SAMMSON: variants seen among roughly 807,000 people sequenced by gnomAD.
The protein encoded by SAMMSON is survival associated mitochondrial melanoma specific oncogenic non-coding RNA, also known as long intergenic non-protein coding RNA 1212.
chr3:70,158,957 C>T (rs1448489381), intron 4 of SAMMSON, among the ~76,000 whole-genome samples: 3 of 151,962 alleles, frequency 2.0e-5, no homozygotes, highest in African/African-American at 7.2e-5. Context: ...TTTGTCCTTT[C>T]CAAACCTTTT....
At chr3:70,122,554 A>G (rs2067439471) in intron 4 of SAMMSON, among the ~76,000 whole-genome samples, 1 of 152,378 alleles carries the variant, frequency 6.6e-6, no homozygotes, top group Non-Finnish European at 1.5e-5. Flanking sequence ...TATGCTTATT[A>G]ACAAATGTAA....
At chr3:70,303,364 T>C (rs1702368166) in intron 7 of SAMMSON, among the ~76,000 whole-genome samples, 1 of 152,116 alleles carries the variant, frequency 6.6e-6, no homozygotes, top group Non-Finnish European at 1.5e-5. Flanking sequence ...GTTATTGAGC[T>C]TTCTTCCTTG....
At chr3:70,309,560 A>G (rs914862409) in intron 7 of SAMMSON, among the ~76,000 whole-genome samples, 2 of 152,214 alleles carry the variant, frequency 1.3e-5, no homozygotes, top group Non-Finnish European at 2.9e-5. Flanking sequence ...TCACCCAGCT[A>G]GTAGATGGCT....
At chr3:70,428,522 A>G (rs1177288055) in intron 2 of SAMMSON, among the ~76,000 whole-genome samples, 1 of 152,228 alleles carries the variant, frequency 6.6e-6, no homozygotes, top group African/African-American at 2.4e-5. Flanking sequence ...TGGGATATCT[A>G]TATATAAAAA....
intron 4 of SAMMSON, among the ~76,000 whole-genome samples, chr3:70,106,797 A>T (rs1206701596): frequency 1.3e-5 from 2 of 152,194 alleles, no homozygotes; most frequent in Admixed American, 6.5e-5. Context: ...CTTGTCTGGG[A>T]TATACATGTG....
At chr3:70,374,207 C>T (rs1244678173) in intron 9 of SAMMSON, among the ~76,000 whole-genome samples, 2 of 152,292 alleles carry the variant, frequency 1.3e-5, no homozygotes, top group East Asian at 3.9e-4. Context: ...AGCCAACGTG[C>T]CTGGCCAATG....
intron 7 of SAMMSON, among the ~76,000 whole-genome samples, chr3:70,337,262 T>G (rs1163985912): frequency 1.3e-5 from 2 of 150,442 alleles, no homozygotes; most frequent in African/African-American, 4.9e-5. Context: ...AATAGGGAGT[T>G]TTATGTCTCC....
intron 4 of SAMMSON, among the ~76,000 whole-genome samples, chr3:70,163,360 G>T (rs200749164): frequency 0.42 from 60,643 of 144,954 alleles, 13,098 homozygotes; most frequent in Non-Finnish European, 0.49. Context: ...TATATAGAGA[G>T]AGAGAGAGAG....
chr3:70,215,999 A>T (rs549582735), intron 4 of SAMMSON, among the ~76,000 whole-genome samples: 2 of 152,224 alleles, frequency 1.3e-5, no homozygotes, highest in South Asian at 4.1e-4. Context: ...CAACATTTGC[A>T]TTGATATCTG....
chr3:70,071,670 T>C (rs988872356), intron 4 of SAMMSON: 4 of 152,052 alleles, frequency 2.6e-5, no homozygotes, highest in Non-Finnish European at 5.9e-5. Flanking sequence ...GCAGTTAGAT[T>C]GCATCCATTG....
At chr3:70,144,050 T>C (rs2067538478) in intron 4 of SAMMSON, among the ~76,000 whole-genome samples, 1 of 152,146 alleles carries the variant, frequency 6.6e-6, no homozygotes, top group Non-Finnish European at 1.5e-5. Context: ...GGAGTATGCA[T>C]TGTATGCTAA....
At chr3:70,210,238 C>A (rs986905472) in intron 4 of SAMMSON, among the ~76,000 whole-genome samples, 5 of 152,048 alleles carry the variant, frequency 3.3e-5, no homozygotes, top group African/African-American at 1.2e-4. Flanking sequence ...CATTAAGCAA[C>A]CATTTGGAGC....
intron 4 of SAMMSON, among the ~76,000 whole-genome samples, chr3:70,216,167 T>C (rs1701409845): frequency 6.6e-6 from 1 of 151,312 alleles, no homozygotes; most frequent in Non-Finnish European, 1.5e-5. Flanking sequence ...TATTTATATT[T>C]ATGCTTTATA....
rs185735410 is a variant in SAMMSON, at chr3:70,337,497, T to G, written n.740-16678T>G. Among the ~76,000 whole-genome samples the G allele has an allele frequency of 9.4e-4, 143 of 151,974 alleles. 1 individual carries two copies. The highest frequency in any genetic ancestry group is 3.3e-3 in the African/African-American group (137 of 41,508). On this transcript the variant is annotated intron_variant and non_coding_transcript_variant, in intron 7 of 9. Transcript: ENST00000642114. ...AGGGAAAAGCAGCAAGCAAAGAATATGAATAAATAAATGCTCAACATCTTG... is the reference window on the plus strand; with the variant it reads ...AGGGAAAAGCAGCAAGCAAAGAATAGGAATAAATAAATGCTCAACATCTTG...
At chr3:70,038,800 TCAAA>T (rs1006235302) in intron 3 of SAMMSON, among the ~76,000 whole-genome samples, 2 of 152,164 alleles carry the variant, frequency 1.3e-5, no homozygotes, top group African/African-American at 2.4e-5. Flanking sequence ...AAACAATTTT[TCAAA>T]CAGAGTTGAA....
chr3:70,188,237 C>T (rs1701106552), intron 4 of SAMMSON, among the ~76,000 whole-genome samples: 1 of 152,154 alleles, frequency 6.6e-6, no homozygotes, highest in Non-Finnish European at 1.5e-5. Flanking sequence ...CAAATATCTA[C>T]TCTGCCATTG....
chr3:70,359,090 G>A (rs563440792), intron 9 of SAMMSON, among the ~76,000 whole-genome samples: 14 of 151,392 alleles, frequency 9.2e-5, no homozygotes, highest in Admixed American at 7.3e-4. Flanking sequence ...ATGTTAATTT[G>A]ATTTGAAAAA....
chr3:70,027,407 G>A (rs72935420), intron 3 of SAMMSON, among the ~76,000 whole-genome samples: 1 of 152,184 alleles, frequency 6.6e-6, no homozygotes, highest in South Asian at 2.1e-4. Context: ...AAGTGAGCAA[G>A]AGGTGGACTA....
intron 4 of SAMMSON, among the ~76,000 whole-genome samples, chr3:70,179,462 C>T (rs1370040815): frequency 2.0e-5 from 3 of 152,190 alleles, no homozygotes; most frequent in Admixed American, 6.5e-5. Context: ...AAGCCCAGCG[C>T]CCTGCTCCCT....
Sources: allele counts gnomAD v4.1 joint callset (sites outside exome capture counted in the v4.1 genomes callset), GRCh38; gene constraint gnomAD v4.1.1; transcripts MANE v1.5; gene names NCBI Gene and HGNC (gene_info 2026-07-23, HGNC 2026-07-21).